The following WASHC3 variants were observed in gnomAD, a reference collection of about 807,000 sequenced individuals.
The protein encoded by WASHC3 is WASH complex subunit CCDC53.
In WASHC3, 24 loss-of-function variants were observed where a neutral mutation model predicts 26.1. The ratio of observed to expected loss-of-function variants is 0.92; its 90% CI spans 0.66 to 1.29. The LOEUF (loss-of-function observed/expected upper bound fraction) is 1.29, where lower values mean the gene tolerates loss of function less well. Ranked by LOEUF, WASHC3 falls within the 50% of genes most tolerant of loss-of-function variation. The pLI is 0.00. For missense variants in WASHC3, 214 were observed against 229.6 expected (o/e 0.93, Z 0.44); for synonymous variants, 77 against 75.7 (o/e 1.02, Z -0.09).
intron 4 of WASHC3, chr12:102,040,489 T>G (rs1186416672): frequency 6.6e-6 from 1 of 152,098 alleles, no homozygotes; most frequent in Non-Finnish European, 1.5e-5. Context: ...AAGCAATTTT[T>G]GGAGAAGTTG....
At chr12:102,047,999 G>A (rs372119302) in intron 2 of WASHC3, among the ~76,000 whole-genome samples, 3 of 152,086 alleles carry the variant, frequency 2.0e-5, no homozygotes, top group Non-Finnish European at 2.9e-5. Flanking sequence ...TACACTTCAC[G>A]AGATTTTTTT....
intron 5 of WASHC3, among the ~76,000 whole-genome samples, chr12:102,034,468 G>A (rs985806757): frequency 1.3e-4 from 20 of 152,068 alleles, no homozygotes; most frequent in African/African-American, 4.6e-4. Flanking sequence ...ATGGATATAG[G>A]AAACACAACT....
At chr12:102,016,257 T>C (rs1343524818) in intron 6 of WASHC3, among the ~76,000 whole-genome samples, 3 of 151,990 alleles carry the variant, frequency 2.0e-5, no homozygotes, top group Non-Finnish European at 2.9e-5. Context: ...CAGGCTAGGG[T>C]GCAGTGGTGC....
intron 6 of WASHC3, among the ~76,000 whole-genome samples, chr12:102,020,759 G>A (rs956070133): frequency 6.6e-6 from 1 of 152,124 alleles, no homozygotes; most frequent in African/African-American, 2.4e-5. Flanking sequence ...TCAATTAATG[G>A]TCTGTCAGAG....
chr12:102,046,591 C>T (rs758726547), intron 2 of WASHC3, among the ~76,000 whole-genome samples: 4 of 152,274 alleles, frequency 2.6e-5, no homozygotes, highest in African/African-American at 7.2e-5. Context: ...CGCACCCAGT[C>T]GCTTCTCAGT....
At position 102,023,383 on chromosome 12, in the gene WASHC3, AG is replaced by A. The variant is rs1192554875; in HGVS notation, c.500+2590del. The stretch of plus-strand genomic sequence containing the variant: ...TATATGAGTTTGTCTTACTACCTAA[AG>A]CTAATAAAAAATAAAGTGTATGTTT... On this transcript the variant is annotated intron_variant, in intron 6 of 6. Coordinates refer to ENST00000240079, the MANE Select transcript of WASHC3 (RefSeq NM_016053.4). 2.6e-5 allele frequency among the ~76,000 whole-genome samples: 4 copies of A among 152,306 alleles called. No homozygotes were observed. In the East Asian group the frequency reaches 7.7e-4, roughly 29 times the overall value.
At chr12:102,037,320 G>A (rs561161408) in intron 5 of WASHC3, among the ~76,000 whole-genome samples, 4 of 152,180 alleles carry the variant, frequency 2.6e-5, no homozygotes, top group Non-Finnish European at 5.9e-5. Flanking sequence ...ACTTTGTAGG[G>A]AAGAGAGAGA....
intron 2 of WASHC3, among the ~76,000 whole-genome samples, chr12:102,060,030 C>T (rs1878739745): frequency 1.3e-5 from 2 of 152,204 alleles, no homozygotes; most frequent in African/African-American, 4.8e-5. Flanking sequence ...AAAACAATAA[C>T]TGGAATTTCA....
At chr12:102,028,105 G>A (rs935170549) in intron 5 of WASHC3, among the ~76,000 whole-genome samples, 2 of 152,076 alleles carry the variant, frequency 1.3e-5, no homozygotes, top group African/African-American at 4.8e-5. Context: ...CTTGCTAGGG[G>A]CATCCGATGT....
Position 102,013,194 on chromosome 12 carries a change from TA to T in WASHC3, c.501-3del. The T allele has an allele frequency of 6.7e-7, 1 of 1,494,186 alleles. No homozygotes were observed. The highest frequency in any genetic ancestry group is 9.1e-7 in the Non-Finnish European group (1 of 1,101,902). The allele number at this position is 1,494,186 out of a possible 1,614,324, so 92.6% of individuals were successfully genotyped here. A position where few individuals can be genotyped will look rare whatever the true frequency, so the allele number is the denominator to read the frequency against. On this transcript the variant is annotated splice_region_variant and splice_polypyrimidine_tract_variant and intron_variant, in intron 6 of 6. Transcript: ENST00000240079. ...TCAGGCACTGGAGCATCTGGCCTCC[TA>T]AAAGAAAAGAAAAAAAAATTTCAAA...
rs181006915 is a variant in WASHC3, at chr12:102,016,105, G to C, written c.501-2913C>G. ...GGGTTTCACCATGTTGGCCAGGCTG[G>C]TCTTGAACTCCTGACCTCAAGTGAT... On this transcript the variant is annotated intron_variant, in intron 6 of 6. Coordinates refer to ENST00000240079, the MANE Select transcript of WASHC3 (RefSeq NM_016053.4). Among the ~76,000 whole-genome samples, 425 of 152,260 alleles carry C rather than the reference G, an allele frequency of 2.8e-3. 4 individuals are homozygous for C. Among genetic ancestry groups the C allele is most frequent in the African/African-American group, 9.3e-3 (387 of 41,558 alleles).
intron 3 of WASHC3, 32 bp downstream of exon 3, chr12:102,046,022 G>A: frequency 7.5e-7 from 1 of 1,335,778 alleles, no homozygotes; most frequent in Non-Finnish European, 1.1e-6. Context: ...GCACAGCAAA[G>A]TTTATACTAC....
At chr12:102,053,702 A>G (rs1286284036) in intron 2 of WASHC3, among the ~76,000 whole-genome samples, 1 of 152,216 alleles carries the variant, frequency 6.6e-6, no homozygotes, top group Non-Finnish European at 1.5e-5. Flanking sequence ...AAAATAATAA[A>G]TGACCAAAAT....
At chr12:102,041,577 T>C (rs1877939575) in intron 4 of WASHC3, among the ~76,000 whole-genome samples, 1 of 152,090 alleles carries the variant, frequency 6.6e-6, no homozygotes. Context: ...AGATGATTTT[T>C]TTAAAAAGTG....
intron 2 of WASHC3, among the ~76,000 whole-genome samples, chr12:102,054,519 A>G (rs771068988): frequency 3.0e-4 from 45 of 152,340 alleles, no homozygotes; most frequent in Non-Finnish European, 5.1e-4. Context: ...CTCTACAAAC[A>G]CCATGGACAT....
At chr12:102,053,937 A>G (rs536106941) in intron 2 of WASHC3, among the ~76,000 whole-genome samples, 1 of 152,356 alleles carries the variant, frequency 6.6e-6, no homozygotes, top group South Asian at 2.1e-4. Context: ...ATACGTTGCA[A>G]AATCAAAAGC....
At chr12:102,058,617 G>A (rs1039070162) in intron 2 of WASHC3, among the ~76,000 whole-genome samples, 1 of 152,072 alleles carries the variant, frequency 6.6e-6, no homozygotes, top group Non-Finnish European at 1.5e-5. Flanking sequence ...ATGTAAATTA[G>A]TACAGCTATT....
At chr12:102,030,768 A>G (rs577496197) in intron 5 of WASHC3, among the ~76,000 whole-genome samples, 4 of 152,208 alleles carry the variant, frequency 2.6e-5, no homozygotes, top group Non-Finnish European at 5.9e-5. Flanking sequence ...CATATATAGT[A>G]TTACCAAGTA....
At chr12:102,020,145 G>A (rs142807188) in intron 6 of WASHC3, among the ~76,000 whole-genome samples, 1 of 152,334 alleles carries the variant, frequency 6.6e-6, no homozygotes, top group Non-Finnish European at 1.5e-5. Flanking sequence ...GGGTTATGGA[G>A]AAGAGGGAAC....
Sources: allele counts gnomAD v4.1 joint callset (sites outside exome capture counted in the v4.1 genomes callset), GRCh38; gene constraint gnomAD v4.1.1; transcripts MANE v1.5; gene names NCBI Gene and HGNC (gene_info 2026-07-23, HGNC 2026-07-21).